CUBN: variants seen among roughly 807,000 people sequenced by gnomAD.
The protein encoded by CUBN is 460 kDa receptor.
CUBN carries 282 observed loss-of-function variants against 405.3 expected under a neutral mutation model. That is an observed-to-expected ratio of 0.70 (90% CI 0.63 to 0.77). CUBN has a LOEUF of 0.77. Among genes scored for constraint, CUBN ranks in the 30% least tolerant of loss-of-function variants. The probability of loss-of-function intolerance (pLI) is 0.00; values close to 1 mark genes in which losing one functional copy is unlikely to be tolerated. For synonymous variants in CUBN, 1,684 were observed against 1,617.0 expected (o/e 1.04, Z -0.99); for missense variants, 4,514 against 4,475.2 (o/e 1.01, Z -0.25).
At chr10:17,053,409 A>G (rs1835317538) in intron 22 of CUBN, among the ~76,000 whole-genome samples, 2 of 152,068 alleles carry the variant, frequency 1.3e-5, no homozygotes, top group African/African-American at 4.8e-5. Context: ...CAGTAAATAT[A>G]AGAAAGCTGA....
chr10:16,902,293 T>C (rs944812540), intron 51 of CUBN, among the ~76,000 whole-genome samples: 15 of 141,550 alleles, frequency 1.1e-4, no homozygotes, highest in Non-Finnish European at 2.0e-4. Flanking sequence ...AGTACATATA[T>C]ATTTGTGTAT....
chr10:16,834,841 C>T (rs184236824), intron 64 of CUBN, among the ~76,000 whole-genome samples, 173 bp downstream of exon 64: 23 of 152,204 alleles, frequency 1.5e-4, no homozygotes, highest in South Asian at 1.0e-3. Flanking sequence ...TCCCAATTTC[C>T]GGTGTTTGGA....
At chr10:16,988,542 C>A (rs1394174198) in intron 29 of CUBN, among the ~76,000 whole-genome samples, 1 of 152,080 alleles carries the variant, frequency 6.6e-6, no homozygotes, top group Non-Finnish European at 1.5e-5. Context: ...TCTTTTAGAG[C>A]CACTAAAAGT....
At chr10:16,973,930 T>C (rs1007119947) in intron 31 of CUBN, among the ~76,000 whole-genome samples, 1 of 152,176 alleles carries the variant, frequency 6.6e-6, no homozygotes, top group Non-Finnish European at 1.5e-5. Context: ...TTTGCTATCG[T>C]GGACAGTGCC....
intron 58 of CUBN, 94 bp downstream of exon 58, chr10:16,874,280 G>T: frequency 7.7e-7 from 1 of 1,305,978 alleles, no homozygotes; most frequent in Non-Finnish European, 1.1e-6. Flanking sequence ...CCAGACTGCC[G>T]ATGAGAATCA....
chr10:17,124,216 G>A (rs1837114257), intron 4 of CUBN, among the ~76,000 whole-genome samples: 1 of 151,974 alleles, frequency 6.6e-6, no homozygotes, highest in African/African-American at 2.4e-5. Flanking sequence ...TAGAAATGTG[G>A]CCAGCTAAGA....
At chr10:17,101,342 T>TA (rs1836489241) in intron 13 of CUBN, among the ~76,000 whole-genome samples, 1 of 107,376 alleles carries the variant, frequency 9.3e-6, no homozygotes, top group Admixed American at 9.2e-5. Context: ...CCTAAGAATA[T>TA]TTTTTTTTCA....
intron 5 of CUBN, 68 bp from the exon 6 acceptor site, chr10:17,122,966 T>A: frequency 4.7e-6 from 5 of 1,066,944 alleles, no homozygotes; most frequent in Non-Finnish European, 7.3e-6. Flanking sequence ...AACATTCACA[T>A]GATACGTTTA....
chr10:16,848,686 C>T (rs1039209809), intron 60 of CUBN, among the ~76,000 whole-genome samples: 11 of 129,368 alleles, frequency 8.5e-5, no homozygotes, highest in South Asian at 2.4e-4. Context: ...TGGTCTCTCC[C>T]AGCCTTTTTT....
intron 33 of CUBN, among the ~76,000 whole-genome samples, chr10:16,951,941 T>A (rs1208750052): frequency 6.6e-6 from 1 of 152,198 alleles, no homozygotes; most frequent in African/African-American, 2.4e-5. Context: ...ATTATTTTGG[T>A]TTACCCCCAA....
At chr10:16,890,612 C>G (rs536651194) in intron 54 of CUBN, 85 bp from the exon 55 acceptor site, 1 of 1,252,484 alleles carries the variant, frequency 8.0e-7, no homozygotes, top group Admixed American at 1.7e-5. Context: ...TAATGGCACT[C>G]ACACGTATAC....
intron 28 of CUBN, among the ~76,000 whole-genome samples, chr10:16,995,464 T>G (rs1371274832): frequency 6.6e-6 from 1 of 152,228 alleles, no homozygotes; most frequent in Non-Finnish European, 1.5e-5. Flanking sequence ...ATCATAATCC[T>G]TTCACACATG....
chr10:17,100,676 C>T (rs1044714940), intron 13 of CUBN, among the ~76,000 whole-genome samples: 7 of 152,182 alleles, frequency 4.6e-5, no homozygotes, highest in Non-Finnish European at 1.0e-4. Context: ...TTATCAAACA[C>T]ACAGACGTTC....
At chr10:17,017,918 G>T (rs1210709038) in intron 28 of CUBN, among the ~76,000 whole-genome samples, 2 of 152,110 alleles carry the variant, frequency 1.3e-5, no homozygotes, top group African/African-American at 4.8e-5. Flanking sequence ...AGGATAGATG[G>T]GCAAGTCTTG....
At chr10:17,014,261 C>A (rs567342534) in intron 28 of CUBN, among the ~76,000 whole-genome samples, 1 of 152,152 alleles carries the variant, frequency 6.6e-6, no homozygotes, top group East Asian at 1.9e-4. Context: ...AAGAGCTATT[C>A]CTGCTCTCTC....
At chr10:16,981,717 G>A (rs1588547339) in intron 31 of CUBN, among the ~76,000 whole-genome samples, 1 of 152,124 alleles carries the variant, frequency 6.6e-6, no homozygotes, top group African/African-American at 2.4e-5. Flanking sequence ...TCCTGCATTC[G>A]TCTATTCGTG....
intron 40 of CUBN, among the ~76,000 whole-genome samples, chr10:16,929,165 GT>G (rs1842297426): frequency 6.6e-6 from 1 of 151,962 alleles, no homozygotes; most frequent in Non-Finnish European, 1.5e-5. Flanking sequence ...GTTTGTTTTG[GT>G]ATAAAAACAA....
In CUBN at chr10:16,916,022, C is replaced by G. The variant is rs775766640; in HGVS notation, c.7009G>C (p.Gly2337Arg). Reference protein sequence around the residue: ...FKAKYSIAQCGGRVPGQSGVV... With the variant: ...FKAKYSIAQCRGRVPGQSGVV... ...CCACTTTGCCCTGGTACTCTTCCCCCACACTGAGCTGCAAAAAATAAAAAT... is the reference window on the plus strand; with the variant it reads ...CCACTTTGCCCTGGTACTCTTCCCCGACACTGAGCTGCAAAAAATAAAAAT... Residue 2337 changes from glycine to arginine, a missense_variant, in exon 46 of 67, where the codon GGG (glycine) becomes CGG (arginine). Gly to Arg is a moderately radical substitution (Grantham distance 125). Coordinates refer to ENST00000377833, the MANE Select transcript of CUBN (RefSeq NM_001081.4). 2.5e-6 allele frequency: 4 copies of G among 1,613,256 alleles called. No individual in the cohort carries two copies. The highest frequency in any genetic ancestry group is 1.3e-5 in the African/African-American group (1 of 74,984).
intron 1 of CUBN, 131 bp downstream of exon 1, chr10:17,129,513 G>T: frequency 8.2e-7 from 1 of 1,218,712 alleles, no homozygotes; most frequent in Non-Finnish European, 1.2e-6. Flanking sequence ...CAGTCTAAAT[G>T]TTTTTCCCTG....
Sources: gnomAD v4.1 joint callset for allele counts (sites outside exome capture counted in the v4.1 genomes callset) on GRCh38, gnomAD v4.1.1 for gene constraint, MANE v1.5 for transcripts, NCBI Gene and HGNC (gene_info 2026-07-23, HGNC 2026-07-21) for gene names.